NFKBIL1: variants seen among roughly 807,000 people sequenced by gnomAD.
The protein encoded by NFKBIL1 is NFKB inhibitor like 1.
A neutral mutation model predicts 45.4 loss-of-function variants in NFKBIL1; 30 were observed. That is an observed-to-expected ratio of 0.66 (90% CI 0.49 to 0.90). The LOEUF (loss-of-function observed/expected upper bound fraction) is 0.90, where lower values mean the gene tolerates loss of function less well. Ranked by LOEUF, NFKBIL1 falls within the 40% of genes least tolerant of loss-of-function variation. The probability of loss-of-function intolerance (pLI) is 0.00; values close to 1 mark genes in which losing one functional copy is unlikely to be tolerated. For synonymous variants in NFKBIL1, 179 were observed against 197.3 expected (o/e 0.91, Z 0.78); for missense variants, 434 against 513.4 (o/e 0.85, Z 1.49).
rs769052971 is a variant in NFKBIL1, at chr6:31,558,517, G to A, written c.1052G>A (p.Arg351Gln). Reference protein sequence around the residue: ...WHPDRFLQRFRSQIETWELGR... With the variant: ...WHPDRFLQRFQSQIETWELGR... ...CCTGACCGCTTCCTGCAGCGATTCC[G>A]AAGCCAGATTGAGACCTGGGAGCTG... The change falls in exon 4 of 4, where the codon CGA becomes CAA. Residue 351 changes from arginine to glutamine, a missense_variant. Arg to Gln is a conservative substitution (Grantham distance 43, BLOSUM62 1). Transcript: ENST00000376148. This position sits in a 1 kb window ranked among gnomAD's most constrained non-coding sequence, Gnocchi z 7.2. 9.0e-6 allele frequency: 14 copies of A among 1,560,256 alleles called. No individual in the cohort carries two copies. The highest frequency in any genetic ancestry group is 1.4e-5 in the African/African-American group (1 of 73,822).
At chr6:31,552,726 A>T (rs1381216343) in intron 2 of NFKBIL1, among the ~76,000 whole-genome samples, 2 of 71,588 alleles carry the variant, frequency 2.8e-5, no homozygotes, top group Non-Finnish European at 2.5e-5. Flanking sequence ...GAAGTGGGGG[A>T]TGGAGTCTCA....
chr6:31,550,689 G>A (rs1221599745), intron 2 of NFKBIL1, among the ~76,000 whole-genome samples: 4 of 151,996 alleles, frequency 2.6e-5, no homozygotes, highest in African/African-American at 9.7e-5. Flanking sequence ...TTTGTTTTTT[G>A]TTTTGTTTTG....
chr6:31,549,200 C>T (rs1478907345), intron 2 of NFKBIL1, among the ~76,000 whole-genome samples: 1 of 152,088 alleles, frequency 6.6e-6, no homozygotes, highest in Non-Finnish European at 1.5e-5. Flanking sequence ...CTGGCACACA[C>T]GATAAGCACT....
intron 2 of NFKBIL1, among the ~76,000 whole-genome samples, chr6:31,551,455 G>A (rs1662829703): frequency 6.6e-6 from 1 of 152,184 alleles, no homozygotes; most frequent in Non-Finnish European, 1.5e-5. Context: ...CTTCCAAAGG[G>A]GGACCCAAGC....
intron 1 of NFKBIL1, 45 bp from the exon 2 acceptor site, chr6:31,548,118 C>T (rs1178470623): frequency 3.1e-6 from 5 of 1,611,788 alleles, no homozygotes; most frequent in African/African-American, 1.3e-5. Context: ...GGAGAAGGAC[C>T]AGCCAAGGCT....
intron 2 of NFKBIL1, among the ~76,000 whole-genome samples, chr6:31,555,900 C>A (rs1211994531): frequency 2.6e-5 from 2 of 78,412 alleles, no homozygotes; most frequent in East Asian, 3.5e-4. Flanking sequence ...GATCCATTGT[C>A]CCCCCCCCCC....
chr6:31,555,806 T>A (rs955847783), intron 2 of NFKBIL1, among the ~76,000 whole-genome samples: 1 of 148,360 alleles, frequency 6.7e-6, no homozygotes, highest in Non-Finnish European at 1.5e-5. Flanking sequence ...TAAAATATAA[T>A]TATATATATA....
chr6:31,550,682 GT>G (rs1309589666), intron 2 of NFKBIL1, among the ~76,000 whole-genome samples: 16 of 152,012 alleles, frequency 1.1e-4, no homozygotes, highest in African/African-American at 3.9e-4. Flanking sequence ...TGGGAGTTTT[GT>G]TTTTTGTTTT....
At position 31,557,773 on chromosome 6, in the gene NFKBIL1, C is replaced by A; in HGVS notation, c.480C>A (p.Ser160=). The A allele has an allele frequency of 6.2e-7, 1 of 1,612,918 alleles. No homozygotes were observed. ...AAGAGGAGGAAGAAGATGATGCCTC[C>A]AAGGAGCGGGAATGGAGACAGAAGC... is the stretch of plus-strand genomic sequence containing the variant. ...SAEEEEEDDA[S]KEREWRQKLQ... is the part of the protein sequence containing the mutation. The change falls in exon 3 of 4, where the codon TCC becomes TCA. Residue 160 remains serine, a synonymous_variant. Transcript: ENST00000376148. The surrounding 1 kb of genome is among the most constrained non-coding windows in gnomAD (Gnocchi z 5.4).
intron 2 of NFKBIL1, among the ~76,000 whole-genome samples, chr6:31,550,392 A>G (rs2844492): frequency 0.015 from 1,788 of 117,678 alleles, 15 homozygotes; most frequent in Non-Finnish European, 0.022. Context: ...CCCCTCCCCC[A>G]AAACTCCCCC....
chr6:31,548,451 C>T lies in NFKBIL1; in HGVS notation c.334+12C>T. The T allele has an allele frequency of 6.7e-7, 1 of 1,493,212 alleles. No homozygotes were observed. Among genetic ancestry groups the T allele is most frequent in the South Asian group, 1.4e-5 (1 of 74,040 alleles). 92.5% of individuals were successfully genotyped at this position (1,493,212 alleles called of 1,614,324 possible). On this transcript the variant is annotated intron_variant, in intron 2 of 3. Coordinates refer to ENST00000376148, the MANE Select transcript of NFKBIL1 (RefSeq NM_005007.4). ...CCAGGGCCCAGATGGTGAGTCTGCT[C>T]AGTGGGGAACAAGGTCATAAGCAGC...
At position 31,558,423 on chromosome 6, in the gene NFKBIL1, A is replaced by G; in HGVS notation, c.958A>G (p.Arg320Gly). 6.4e-7 allele frequency: 1 copy of G among 1,551,000 alleles called. No homozygotes were observed. The highest frequency in any genetic ancestry group is 8.7e-7 in the Non-Finnish European group (1 of 1,147,124). ...GGCCATGGCTGCAGCCCTGGTGGCC[A>G]GGGGCCCCCCTTTGGAGGAACAGGG... ...PEAMAAALVA[R>G]GPPLEEQGAL... Residue 320 changes from arginine (R) to glycine (G), a missense_variant, in exon 4 of 4, where the codon AGG (arginine) becomes GGG (glycine). This residue lies in a region of NFKBIL1 where 52 missense variants were observed against 95.9 expected (regional missense o/e 0.54). Transcript: ENST00000376148. This position sits in a 1 kb window ranked among gnomAD's most constrained non-coding sequence, Gnocchi z 7.2.
At chr6:31,551,985 T>C (rs1183366174) in intron 2 of NFKBIL1, among the ~76,000 whole-genome samples, 3 of 152,018 alleles carry the variant, frequency 2.0e-5, no homozygotes, top group African/African-American at 4.8e-5. Flanking sequence ...TTAATAGAGA[T>C]GGGGTTTCAC....
intron 2 of NFKBIL1, among the ~76,000 whole-genome samples, chr6:31,554,450 G>A (rs1314451327): frequency 1.3e-5 from 2 of 151,648 alleles, no homozygotes; most frequent in African/African-American, 2.4e-5. Flanking sequence ...ATAGATAGAA[G>A]AAAATGTTTG....
rs1769747838 is a variant in NFKBIL1 at position 31,556,502 on chromosome 6, C to T, written c.335-1126C>T. ...AAGTGAAAGAGGTGGTTGGTGGCCA[C>T]AGCAGGTGGGCCTGGCCAGGATGCC... On this transcript the variant is annotated intron_variant, in intron 2 of 3. Coordinates refer to ENST00000376148, the MANE Select transcript of NFKBIL1 (RefSeq NM_005007.4). Among the ~76,000 whole-genome samples the T allele has an allele frequency of 2.0e-5, 3 of 152,340 alleles. No homozygotes were observed. The South Asian group carries it at 6.2e-4, about 32-fold the overall frequency.
Position 31,558,669 on chromosome 6 carries a change from G to A in NFKBIL1, c.*58G>A. ...CAGCCTCAGGATGAGGCAGAAGGAA[G>A]GGTAAGGGAAAGGATGGGGACCACA... On this transcript the variant is annotated 3_prime_UTR_variant, in exon 4 of 4. Coordinates refer to ENST00000376148, the MANE Select transcript of NFKBIL1 (RefSeq NM_005007.4). This position sits in a 1 kb window ranked among gnomAD's most constrained non-coding sequence, Gnocchi z 7.2. 7.0e-7 allele frequency: 1 copy of A among 1,424,328 alleles called. No homozygotes were observed. The highest frequency in any genetic ancestry group is 9.5e-7 in the Non-Finnish European group (1 of 1,052,108). 88.2% of individuals were successfully genotyped at this position (1,424,328 alleles called of 1,614,324 possible). A position where few individuals can be genotyped will look rare whatever the true frequency, so the allele number is the denominator to read the frequency against.
rs780741614 is a variant in NFKBIL1, at chr6:31,547,752, G to T, written c.57+1G>T. The T allele has an allele frequency of 1.9e-6, 3 of 1,608,580 alleles. No individual in the cohort carries two copies. Among genetic ancestry groups the T allele is most frequent in the South Asian group, 2.2e-5 (2 of 90,918 alleles). On this transcript the variant is annotated splice_donor_variant, in intron 1 of 3. Coordinates refer to ENST00000376148, the MANE Select transcript of NFKBIL1 (RefSeq NM_005007.4). LOFTEE classifies it high-confidence loss of function. ...AGAAGCCTCCACATCTGTCTGCCGG[G>T]TACATGATATTCAATTTCTAGATCA... is the stretch of plus-strand genomic sequence containing the variant.
rs950211822 is a variant in NFKBIL1 at position 31,557,901 on chromosome 6, A to G, written c.556+52A>G. The G allele has an allele frequency of 6.6e-7, 1 of 1,526,546 alleles. No individual in the cohort carries two copies. Among genetic ancestry groups the G allele is most frequent in the African/African-American group, 1.4e-5 (1 of 72,906 alleles). The allele number at this position is 1,526,546 out of a possible 1,614,324, so 94.6% of individuals were successfully genotyped here. A position where few individuals can be genotyped will look rare whatever the true frequency, so the allele number is the denominator to read the frequency against. ...TGCCCTTCCCCACTGGCTGCTTTCC[A>G]TCTGCATGAATGCGTCACACTAGGC... On this transcript the variant is annotated intron_variant, in intron 3 of 3. Coordinates refer to ENST00000376148, the MANE Select transcript of NFKBIL1 (RefSeq NM_005007.4). The surrounding 1 kb of genome is among the most constrained non-coding windows in gnomAD (Gnocchi z 5.4).
intron 2 of NFKBIL1, among the ~76,000 whole-genome samples, chr6:31,548,860 TAAC>T (rs1267620454): frequency 1.3e-5 from 2 of 152,222 alleles, no homozygotes; most frequent in Non-Finnish European, 2.9e-5. Context: ...ATTAAAATAA[TAAC>T]AACCTTTGCT....
Sources: allele counts gnomAD v4.1 joint callset (sites outside exome capture counted in the v4.1 genomes callset), GRCh38; gene constraint gnomAD v4.1.1; regional missense constraint gnomAD v4.1.1; non-coding constraint Gnocchi (gnomAD v3.1); transcripts MANE v1.5; gene names NCBI Gene and HGNC (gene_info 2026-07-23, HGNC 2026-07-21).